Variants in CLEC12A observed in about 807,000 individuals in gnomAD.
The protein encoded by CLEC12A is C-type lectin protein CLL-1.
In CLEC12A, 22 loss-of-function variants were observed where a neutral mutation model predicts 26.5. The observed-to-expected ratio is 0.83, with a 90% CI of 0.59 to 1.19. CLEC12A has a LOEUF of 1.19. CLEC12A is among the 50% of genes most tolerant of loss of function. The pLI is 0.00. For missense variants in CLEC12A, 353 were observed against 315.6 expected, an observed-to-expected ratio of 1.12 and a Z score of -0.90; for synonymous variants, 119 against 101.9, an observed-to-expected ratio of 1.17 and a Z score of -1.01.
downstream of CLEC12A, chr12:9,996,675 G>A (rs1865055879): frequency 1.4e-6 from 1 of 731,998 alleles, no homozygotes; most frequent in African/African-American, 1.7e-5. Flanking sequence ...AGAATATTAT[G>A]AGTGGATTGA....
intron 4 of CLEC12A, chr12:9,991,954 T>C (rs1377209769): frequency 1.3e-5 from 2 of 152,264 alleles, no homozygotes; most frequent in East Asian, 1.9e-4. Flanking sequence ...CCCAGGTCTC[T>C]GTGTCTCCTC....
chr12:10,002,758 A>G, the CLEC12A span, among the ~76,000 whole-genome samples: 4 of 152,144 alleles, frequency 2.6e-5, no homozygotes, highest in African/African-American at 7.2e-5. Flanking sequence ...GGAACTTTTT[A>G]ATCATTACAC....
chr12:9,993,047 G>T, intron 4 of CLEC12A: 1 of 1,131,212 alleles, frequency 8.8e-7, no homozygotes, highest in Non-Finnish European at 1.3e-6. Context: ...GAGAAGAAAG[G>T]GAGAAATAAG....
At chr12:9,955,971 G>C (rs1274741106) in intron 1 of CLEC12A, among the ~76,000 whole-genome samples, 1 of 152,040 alleles carries the variant, frequency 6.6e-6, no homozygotes, top group African/African-American at 2.4e-5. Context: ...GTTAAGGCAA[G>C]AGGGAAAAAA....
intron 1 of CLEC12A, among the ~76,000 whole-genome samples, chr12:9,975,920 C>T (rs763966036): frequency 6.6e-6 from 1 of 152,188 alleles, no homozygotes; most frequent in Non-Finnish European, 1.5e-5. Flanking sequence ...AGGTACAGCT[C>T]AGGTCATGGC....
At chr12:9,972,894 A>G (rs73048876) in intron 1 of CLEC12A, among the ~76,000 whole-genome samples, 11,330 of 152,132 alleles carry the variant, frequency 0.074, 665 homozygotes, top group South Asian at 0.31. Context: ...TGGGCATATC[A>G]TGAGCCTAAT....
chr12:9,965,777 T>C (rs569872), intron 1 of CLEC12A, among the ~76,000 whole-genome samples: 144,863 of 151,908 alleles, frequency 0.95, 69,121 homozygotes, highest in East Asian at 0.99. Flanking sequence ...AGAGTGATAA[T>C]AGGCTGTAAT....
chr12:9,997,287 T>TA, downstream of CLEC12A: 1 of 1,601,944 alleles, frequency 6.2e-7, no homozygotes, highest in Non-Finnish European at 8.5e-7. Context: ...CAGCTAGGTT[T>TA]AAAAAGTAAA....
chr12:10,001,910 T>C, the CLEC12A span, among the ~76,000 whole-genome samples: 7 of 150,972 alleles, frequency 4.6e-5, no homozygotes, highest in South Asian at 2.1e-4. Context: ...GACTGAGTCT[T>C]GCTCTGTCGT....
At chr12:9,972,181 T>G (rs948875431) in intron 1 of CLEC12A, among the ~76,000 whole-genome samples, 3 of 151,944 alleles carry the variant, frequency 2.0e-5, no homozygotes, top group African/African-American at 7.3e-5. Context: ...TTTTGGAGAT[T>G]TTTTACTAAC....
chr12:9,998,214 G>A (rs1478988494), downstream of CLEC12A: 1 of 1,174,796 alleles, frequency 8.5e-7, no homozygotes, highest in Non-Finnish European at 1.3e-6. Context: ...GAGAAGCTTA[G>A]TGGGATATGC....
intron 1 of CLEC12A, among the ~76,000 whole-genome samples, chr12:9,973,084 T>A (rs1864189974): frequency 6.6e-6 from 1 of 152,176 alleles, no homozygotes; most frequent in South Asian, 2.1e-4. Context: ...ATCTACATTA[T>A]GTAATATAAC....
downstream of CLEC12A, chr12:9,998,296 G>A: frequency 6.2e-7 from 1 of 1,613,766 alleles, no homozygotes; most frequent in Non-Finnish European, 8.5e-7. Context: ...AATCCCCAGA[G>A]CCACCAGCCC....
At chr12:9,982,225 T>G in intron 5 of CLEC12A, 96 bp downstream of exon 5, 1 of 664,114 alleles carries the variant, frequency 1.5e-6, no homozygotes, top group East Asian at 2.9e-5. Flanking sequence ...CAGCTTCAAT[T>G]GAAATTGCAT....
In CLEC12A at chr12:9,978,991, G is replaced by T. The variant is rs1864446357; in HGVS notation, c.117G>T (p.Trp39Cys). ...CACCTCCAGCTCCCTCTCATGTATG[G>T]CGTCCAGCAGCCTTGTTTCTGACTC... ...EKAPPAPSHV[W>C]RPAALFLTLL... is the part of the protein sequence containing the mutation. Residue 39 changes from tryptophan to cysteine, a missense_variant, in exon 2 of 6, where the codon TGG (tryptophan) becomes TGT (cysteine). Physicochemically the swap from Trp to Cys is radical, Grantham distance 215. Transcript: ENST00000304361. 1 of 1,613,722 alleles carries T rather than the reference G, an allele frequency of 6.2e-7. No individual in the cohort carries two copies. The highest frequency in any genetic ancestry group is 1.7e-5 in the Admixed American group (1 of 59,966).
At chr12:9,960,108 C>T (rs560874205) in intron 1 of CLEC12A, among the ~76,000 whole-genome samples, 11 of 152,160 alleles carry the variant, frequency 7.2e-5, no homozygotes, top group Non-Finnish European at 1.0e-4. Flanking sequence ...ACCACCCACT[C>T]GTCTATCAAG....
intron 1 of CLEC12A, among the ~76,000 whole-genome samples, chr12:9,975,144 T>A (rs1017548644): frequency 1.3e-5 from 2 of 152,182 alleles, no homozygotes; most frequent in Non-Finnish European, 2.9e-5. Flanking sequence ...TGTGGGTATG[T>A]CTTTATCAGT....
intron 1 of CLEC12A, among the ~76,000 whole-genome samples, chr12:9,978,487 C>T (rs1864426880): frequency 6.6e-6 from 1 of 150,702 alleles, no homozygotes; most frequent in Non-Finnish European, 1.5e-5. Context: ...GTTCATTCTG[C>T]AGCTAAATTC....
chr12:9,997,274 T>A (rs1285375528), downstream of CLEC12A: 1 of 1,610,644 alleles, frequency 6.2e-7, no homozygotes, highest in South Asian at 1.1e-5. Context: ...TTGCGCTGCA[T>A]GACAGCTAGG....
Sources: allele counts gnomAD v4.1 joint callset (sites outside exome capture counted in the v4.1 genomes callset), GRCh38; gene constraint gnomAD v4.1.1; transcripts MANE v1.5; gene names NCBI Gene and HGNC (gene_info 2026-07-23, HGNC 2026-07-21).